Variants in APOO observed in about 807,000 individuals in gnomAD.
The protein encoded by APOO is MICOS complex subunit MIC26.
APOO carries 11 observed loss-of-function variants against 23.1 expected under a neutral mutation model. The observed-to-expected ratio is 0.48, with a 90% CI of 0.30 to 0.79. APOO has a LOEUF of 0.79. Among genes scored for constraint, APOO ranks in the 30% least tolerant of loss-of-function variants. The pLI, the probability that APOO is intolerant of heterozygous loss-of-function variation, is 0.07. For missense variants in APOO, 160 were observed against 142.7 expected (o/e 1.12, Z -0.62); for synonymous variants, 59 against 54.8 (o/e 1.08, Z -0.34).
intron 1 of APOO, among the ~76,000 whole-genome samples, chrX:23,881,327 G>A (rs1023301226): frequency 6.4e-5 from 7 of 108,847 alleles, no homozygotes; most frequent in African/African-American, 2.0e-4. Context: ...CGCCCGCCTC[G>A]GCCTCCCAAA....
rs1382116221 is a variant in APOO, at chrX:23,907,907, G to C, written c.-205C>G. On this transcript the variant is annotated 5_prime_UTR_variant, in exon 1 of 9. Transcript: ENST00000379226. ...AGAAGCCGCGTCGCTGAGCCGCAGC[G>C]CGTCGCGCCCGGGCAGCGGGTGAAC... 2.4e-6 allele frequency: 1 copy of C among 411,943 alleles called. No individual in the cohort carries two copies. Among genetic ancestry groups the C allele is most frequent in the African/African-American group, 2.6e-5 (1 of 39,027 alleles). The allele number at this position is 411,943 out of a possible 1,213,427, so 33.9% of individuals were successfully genotyped here.
In APOO at chrX:23,901,262, A is replaced by G. The variant is rs188863891; in HGVS notation, c.9+6432T>C. 1.9e-3 allele frequency among the ~76,000 whole-genome samples: 209 copies of G among 111,920 alleles called. 1 individual carries two copies. Among genetic ancestry groups the G allele is most frequent in the Middle Eastern group, 0.014 (3 of 217 alleles). On this transcript the variant is annotated intron_variant, in intron 1 of 8. Transcript: ENST00000379226. ...ATTTGCCCTTGAGGAAGGAAGTGAC[A>G]CAGACCAGTTTTCACTAGGCCACCT...
chrX:23,864,796 C>T (rs1925263148), intron 5 of APOO, among the ~76,000 whole-genome samples: 1 of 111,790 alleles, frequency 8.9e-6, no homozygotes, highest in Non-Finnish European at 1.9e-5. Flanking sequence ...GTATAATTAT[C>T]CTAGAAGAGA....
chrX:23,846,984 A>C (rs2146971565), intron 7 of APOO, among the ~76,000 whole-genome samples: 1 of 111,742 alleles, frequency 8.9e-6, no homozygotes, highest in African/African-American at 3.2e-5. Context: ...GAAAAAAATA[A>C]AGAACCCTTA....
chrX:23,845,566 T>C (rs1924191801), intron 7 of APOO, among the ~76,000 whole-genome samples: 1 of 112,763 alleles, frequency 8.9e-6, no homozygotes. Context: ...AGTTTGACTA[T>C]TTTAAATACC....
intron 1 of APOO, among the ~76,000 whole-genome samples, chrX:23,906,441 A>G (rs146931352): frequency 0.013 from 1,504 of 112,415 alleles, 38 homozygotes; most frequent in African/African-American, 0.045. Flanking sequence ...TGAGGGCCCC[A>G]GGTTAGGAAC....
chrX:23,874,515 T>C (rs1925757377), intron 3 of APOO, 58 bp from the exon 4 acceptor site: 5 of 975,435 alleles, frequency 5.1e-6, no homozygotes, highest in Non-Finnish European at 7.3e-6. Flanking sequence ...GATTAGAAAG[T>C]TAACAGAATA....
chrX:23,894,303 C>T (rs1926804569), intron 1 of APOO, among the ~76,000 whole-genome samples: 1 of 108,961 alleles, frequency 9.2e-6, no homozygotes, highest in South Asian at 4.0e-4. Context: ...CACCACCACG[C>T]CTGGCTAATT....
chrX:23,897,762 C>A (rs773422111), intron 1 of APOO, among the ~76,000 whole-genome samples: 4 of 110,765 alleles, frequency 3.6e-5, no homozygotes, highest in Admixed American at 9.7e-5. Flanking sequence ...CCGAGGTGGG[C>A]GGATCCTTTG....
At chrX:23,905,828 T>A (rs1927329491) in intron 1 of APOO, among the ~76,000 whole-genome samples, 1 of 112,635 alleles carries the variant, frequency 8.9e-6, no homozygotes. Context: ...GAAGTAGTAA[T>A]GAGCATAAGT....
intron 1 of APOO, among the ~76,000 whole-genome samples, chrX:23,889,587 G>A (rs979293951): frequency 9.2e-6 from 1 of 108,402 alleles, no homozygotes; most frequent in Non-Finnish European, 1.9e-5. Flanking sequence ...TATAATATAT[G>A]CCAGCTTCAT....
At position 23,849,583 on chromosome X, in the gene APOO, T is replaced by TAAAAAAAAAAAAAAAAAA. The variant is rs143362355; in HGVS notation, c.561+6701_561+6718dup. Among the ~76,000 whole-genome samples, 36 of 32,595 alleles carry TAAAAAAAAAAAAAAAAAA rather than the reference T, an allele frequency of 1.1e-3. 10 individuals are homozygous for TAAAAAAAAAAAAAAAAAA. Among genetic ancestry groups the TAAAAAAAAAAAAAAAAAA allele is most frequent in the African/African-American group, 4.1e-3 (30 of 7,233 alleles). The allele number at this position is 32,595 out of a possible 115,157, so 28.3% of individuals were successfully genotyped here. A position where few individuals can be genotyped will look rare whatever the true frequency, so the allele number is the denominator to read the frequency against. Reference sequence around the variant, plus strand: ...GGGAGCCTGTAGATTAAGAGAGACTTAAAAAAAAAAAAAAAAAAAAAAAAA... The same window carrying TAAAAAAAAAAAAAAAAAA: ...GGGAGCCTGTAGATTAAGAGAGACTTAAAAAAAAAAAAAAAAAAAAAAAAAAAAAAAAAAAAAAAAAAA... On this transcript the variant is annotated intron_variant, in intron 7 of 8. Transcript: ENST00000379226.
intron 8 of APOO, among the ~76,000 whole-genome samples, chrX:23,835,352 C>T (rs113884853): frequency 3.3e-4 from 37 of 111,801 alleles, no homozygotes; most frequent in African/African-American, 1.0e-3. Flanking sequence ...TATGAGCCAC[C>T]GTGCCCGGCA....
chrX:23,900,104 G>C (rs1196237287), intron 1 of APOO, among the ~76,000 whole-genome samples: 1 of 112,199 alleles, frequency 8.9e-6, no homozygotes, highest in Non-Finnish European at 1.9e-5. Flanking sequence ...ACAGTGTCCT[G>C]AGCAGAATTC....
rs188937350 is a variant in APOO, at chrX:23,840,211, A to G, written c.*29+102T>C. 6.8e-3 allele frequency: 3,088 copies of G among 451,449 alleles called. 13 individuals are homozygous for G. Among genetic ancestry groups the G allele is most frequent in the Non-Finnish European group, 7.0e-3 (2,021 of 290,586 alleles). The allele number at this position is 451,449 out of a possible 1,213,427, so 37.2% of individuals were successfully genotyped here. A position where few individuals can be genotyped will look rare whatever the true frequency, so the allele number is the denominator to read the frequency against. ...ATGGAATAAAATATTTTCACATCAA[A>G]TTGAAACTGTTATAATTAATTAAAT... On this transcript the variant is annotated intron_variant, in intron 8 of 8. Transcript: ENST00000379226.
intron 3 of APOO, 131 bp from the exon 4 acceptor site, chrX:23,874,588 ACTGT>A (rs1262906719): frequency 1.9e-6 from 1 of 529,487 alleles, no homozygotes; most frequent in African/African-American, 2.3e-5. Context: ...AAAGGGATAC[ACTGT>A]CTGTCTGGGT....
intron 3 of APOO, among the ~76,000 whole-genome samples, chrX:23,878,018 C>T (rs1199451395): frequency 3.6e-5 from 4 of 111,368 alleles, no homozygotes; most frequent in Middle Eastern, 4.6e-3. Flanking sequence ...GACCTAAAAC[C>T]CAGGCAGGGA....
intron 1 of APOO, among the ~76,000 whole-genome samples, chrX:23,881,526 G>C (rs1601925898): frequency 1.3e-5 from 1 of 75,311 alleles, no homozygotes; most frequent in African/African-American, 5.3e-5. Context: ...GCAATAGAGT[G>C]AGACTCTGTT....
intron 7 of APOO, among the ~76,000 whole-genome samples, chrX:23,855,040 CTT>C (rs768905855): frequency 2.7e-4 from 25 of 92,025 alleles, no homozygotes; most frequent in Non-Finnish European, 2.8e-4. Flanking sequence ...TTCTTTTTTT[CTT>C]TTTTTTTTTT....
Sources: allele counts gnomAD v4.1 joint callset (sites outside exome capture counted in the v4.1 genomes callset), GRCh38; gene constraint gnomAD v4.1.1; transcripts MANE v1.5; gene names NCBI Gene and HGNC (gene_info 2026-07-23, HGNC 2026-07-21).